DNAJC12: variants seen among roughly 807,000 people sequenced by gnomAD.
DNAJC12 encodes the protein DnaJ heat shock protein family (Hsp40) member C12, also known as dnaJ homolog subfamily C member 12.
Under a neutral mutation model 28.5 loss-of-function variants are expected in DNAJC12, and 25 were observed. That is an observed-to-expected ratio of 0.88 (90% CI 0.64 to 1.22). The LOEUF is 1.22. DNAJC12 is among the 50% of genes most tolerant of loss of function. The pLI, the probability that DNAJC12 is intolerant of heterozygous loss-of-function variation, is 0.00. For synonymous variants in DNAJC12, 77 were observed against 80.6 expected (o/e 0.95, Z 0.24); for missense variants, 222 against 231.7 (o/e 0.96, Z 0.27).
intron 1 of DNAJC12, among the ~76,000 whole-genome samples, chr10:67,829,529 T>C (rs538988759): frequency 6.6e-6 from 1 of 152,154 alleles, no homozygotes; most frequent in South Asian, 2.1e-4. Context: ...TAGTTCCAGC[T>C]ACTCCGGAGG....
chr10:67,829,535 G>T (rs1842071918), intron 1 of DNAJC12, among the ~76,000 whole-genome samples: 1 of 152,126 alleles, frequency 6.6e-6, no homozygotes, highest in Non-Finnish European at 1.5e-5. Flanking sequence ...CAGCTACTCC[G>T]GAGGCTGAGG....
intron 1 of DNAJC12, among the ~76,000 whole-genome samples, chr10:67,830,926 C>T (rs1398799143): frequency 5.3e-5 from 8 of 152,206 alleles, no homozygotes; most frequent in South Asian, 2.1e-4. Context: ...TGGTGGCTCA[C>T]GCCTGTAATC....
At chr10:67,801,264 A>C (rs775560827) in intron 4 of DNAJC12, among the ~76,000 whole-genome samples, 1 of 152,234 alleles carries the variant, frequency 6.6e-6, no homozygotes, top group Admixed American at 6.5e-5. Flanking sequence ...GAAGCCACTC[A>C]GGGCTTGGTA....
intron 2 of DNAJC12, among the ~76,000 whole-genome samples, chr10:67,814,156 T>C (rs1307798319): frequency 1.3e-5 from 2 of 151,806 alleles, no homozygotes; most frequent in South Asian, 2.1e-4. Flanking sequence ...AACATAAGGA[T>C]AGACATACTT....
chr10:67,833,929 C>T, intron 1 of DNAJC12: 8 of 472,096 alleles, frequency 1.7e-5, no homozygotes, highest in South Asian at 1.2e-4. Context: ...GAGTTTGAAC[C>T]CAAAATGACA....
rs1842053458 is a variant in DNAJC12, at chr10:67,827,941, C to T, written c.79-4549G>A. ...AAACTGGTAAAGTGGGTTAGTTTATCTTGAACACATTGTATTTATCTTCTG... is the reference window on the plus strand; with the variant it reads ...AAACTGGTAAAGTGGGTTAGTTTATTTTGAACACATTGTATTTATCTTCTG... On this transcript the variant is annotated intron_variant, in intron 1 of 4. Coordinates refer to ENST00000225171, the MANE Select transcript of DNAJC12 (RefSeq NM_021800.3). Among the ~76,000 whole-genome samples, 3 of 152,060 alleles carry T rather than the reference C, an allele frequency of 2.0e-5. No individual in the cohort carries two copies. The South Asian group carries it at 6.2e-4, about 32-fold the overall frequency.
intron 2 of DNAJC12, among the ~76,000 whole-genome samples, chr10:67,814,811 T>C (rs989338434): frequency 2.6e-5 from 4 of 152,200 alleles, no homozygotes; most frequent in African/African-American, 7.2e-5. Context: ...CATAGTGAGA[T>C]ACCACTTTAT....
At chr10:67,801,858 T>TTTTTTTG (rs1841749386) in intron 4 of DNAJC12, among the ~76,000 whole-genome samples, 1 of 116,780 alleles carries the variant, frequency 8.6e-6, no homozygotes, top group Admixed American at 8.3e-5. Context: ...TTTTTTTTTT[T>TTTTTTTG]TTTTTTTTTT....
In DNAJC12 at chr10:67,816,925, C is replaced by G. The variant is rs115535447; in HGVS notation, c.158-5262G>C. Among the ~76,000 whole-genome samples, 436 of 152,228 alleles carry G rather than the reference C, an allele frequency of 2.9e-3. 2 individuals are homozygous for G. Among genetic ancestry groups the G allele is most frequent in the African/African-American group, 0.01 (422 of 41,544 alleles). On this transcript the variant is annotated intron_variant, in intron 2 of 4. Transcript: ENST00000225171. ...CAGTTACTGTCACCCACACAGAGCG[C>G]TGGCATGAGCACCAGCCAGGAGCTC...
chr10:67,823,861 C>T (rs1436448119), intron 1 of DNAJC12, among the ~76,000 whole-genome samples: 5 of 152,058 alleles, frequency 3.3e-5, no homozygotes, highest in African/African-American at 9.7e-5. Context: ...ATCCAATAAA[C>T]GCTCCTATTG....
chr10:67,812,948 T>A (rs1430210040), intron 2 of DNAJC12, among the ~76,000 whole-genome samples: 1 of 150,218 alleles, frequency 6.7e-6, no homozygotes, highest in Non-Finnish European at 1.5e-5. Context: ...TTGGAACCCG[T>A]GAGGCAGAGC....
chr10:67,815,995 T>C (rs1415552344), intron 2 of DNAJC12: 2 of 398,250 alleles, frequency 5.0e-6, no homozygotes, highest in Non-Finnish European at 4.4e-6. Flanking sequence ...ATTTTTCCAT[T>C]AATGTAGCAA....
At chr10:67,797,611 A>AT (rs1004402293) in intron 4 of DNAJC12, among the ~76,000 whole-genome samples, 26 of 151,866 alleles carry the variant, frequency 1.7e-4, no homozygotes, top group South Asian at 1.2e-3. Flanking sequence ...TGGTAATAAG[A>AT]TTTTTTTTTA....
intron 4 of DNAJC12, among the ~76,000 whole-genome samples, chr10:67,804,413 A>G (rs1173988813): frequency 2.0e-5 from 3 of 152,170 alleles, no homozygotes; most frequent in African/African-American, 7.2e-5. Flanking sequence ...CAAGCACCTA[A>G]TCACAGGAGT....
chr10:67,832,466 A>T (rs1467296851), intron 1 of DNAJC12, among the ~76,000 whole-genome samples: 1 of 152,176 alleles, frequency 6.6e-6, no homozygotes, highest in East Asian at 1.9e-4. Flanking sequence ...TGAGGCATAG[A>T]AACAATTTGA....
intron 1 of DNAJC12, chr10:67,833,831 G>A: frequency 2.0e-6 from 1 of 499,972 alleles, no homozygotes; most frequent in Non-Finnish European, 4.1e-6. Context: ...ATTATGTTTT[G>A]CAAGCCATGG....
intron 4 of DNAJC12, among the ~76,000 whole-genome samples, chr10:67,803,428 G>T (rs1841768013): frequency 6.6e-6 from 1 of 152,194 alleles, no homozygotes; most frequent in Admixed American, 6.5e-5. Flanking sequence ...GTCAGCCTTG[G>T]TTACTTCAAG....
intron 4 of DNAJC12, among the ~76,000 whole-genome samples, chr10:67,804,877 C>A (rs899993738): frequency 1.3e-5 from 2 of 151,932 alleles, no homozygotes; most frequent in African/African-American, 4.8e-5. Context: ...ACTAAAAATA[C>A]AAAAATTAGC....
chr10:67,799,018 G>A (rs7898335), intron 4 of DNAJC12, among the ~76,000 whole-genome samples: 1 of 152,020 alleles, frequency 6.6e-6, no homozygotes, highest in Non-Finnish European at 1.5e-5. Context: ...GCCTGCCTCA[G>A]CCTCCCAAAG....
Sources: allele counts gnomAD v4.1 joint callset (sites outside exome capture counted in the v4.1 genomes callset), GRCh38; gene constraint gnomAD v4.1.1; transcripts MANE v1.5; gene names NCBI Gene and HGNC (gene_info 2026-07-23, HGNC 2026-07-21).